The following ITPR1 variants were observed in gnomAD, a reference collection of about 807,000 sequenced individuals.
ITPR1 encodes inositol 1,4,5-trisphosphate receptor type 1.
In ITPR1, 96 loss-of-function variants were observed where a neutral mutation model predicts 318.4. The observed-to-expected ratio is 0.30, with a 90% CI of 0.26 to 0.36. The LOEUF is 0.36. ITPR1 is among the 10% of genes least tolerant of loss of function. The pLI, the probability that ITPR1 is intolerant of heterozygous loss-of-function variation, is 1.00. For missense variants in ITPR1, 2,440 were observed against 3,460.2 expected, an observed-to-expected ratio of 0.71 and a Z score of 7.40; for synonymous variants, 1,312 against 1,289.9, an observed-to-expected ratio of 1.02 and a Z score of -0.37.
chr3:4,567,134 G>A (rs2087381556), intron 4 of ITPR1, among the ~76,000 whole-genome samples: 1 of 152,168 alleles, frequency 6.6e-6, no homozygotes, highest in African/African-American at 2.4e-5. Context: ...TTGATATGTG[G>A]AAAGCTCGTA....
chr3:4,554,139 C>T (rs191615668), intron 4 of ITPR1, among the ~76,000 whole-genome samples: 2 of 152,326 alleles, frequency 1.3e-5, no homozygotes, highest in Non-Finnish European at 1.5e-5. Flanking sequence ...AGGGCAATCC[C>T]ATCTTATTGG....
At chr3:4,756,540 TCTC>T (rs1259352170) in intron 44 of ITPR1, among the ~76,000 whole-genome samples, 1 of 152,200 alleles carries the variant, frequency 6.6e-6, no homozygotes, top group East Asian at 1.9e-4. Context: ...GTTCATGAGT[TCTC>T]ATCATCTAGC....
chr3:4,779,246 C>T lies in ITPR1; in HGVS notation c.6292-304C>T, dbSNP rs750731321. ...GTGACAGTGTATCCGTAAGCACCCA[C>T]GTGTAAATTCCCAATTTCTTCTAGG... is the stretch of plus-strand genomic sequence containing the variant. On this transcript the variant is annotated intron_variant, in intron 48 of 61. Coordinates refer to ENST00000649015, the MANE Select transcript of ITPR1 (RefSeq NM_001378452.1). The surrounding 1 kb of genome is among the most constrained non-coding windows in gnomAD (Gnocchi z 4.0). Among the ~76,000 whole-genome samples, 4 of 152,244 alleles carry T rather than the reference C, an allele frequency of 2.6e-5. No individual in the cohort carries two copies. The highest frequency in any genetic ancestry group is 1.9e-4 in the East Asian group (1 of 5,200).
chr3:4,578,663 C>T (rs2088954227), intron 4 of ITPR1, among the ~76,000 whole-genome samples: 2 of 152,178 alleles, frequency 1.3e-5, no homozygotes, highest in Non-Finnish European at 2.9e-5. Flanking sequence ...GTGCTAAGTG[C>T]TCCTCCAACC....
At chr3:4,768,911 C>CT (rs201819900) in intron 46 of ITPR1, 147 bp downstream of exon 46, 8,284 of 676,804 alleles carry the variant, frequency 0.012, 4 homozygotes, top group Middle Eastern at 0.023. Flanking sequence ...TTTCTTTTTT[C>CT]TTTTTTCTTT....
At chr3:4,563,937 G>C (rs1488463175) in intron 4 of ITPR1, among the ~76,000 whole-genome samples, 1 of 150,232 alleles carries the variant, frequency 6.7e-6, no homozygotes, top group Non-Finnish European at 1.5e-5. Context: ...GAGTTGATTT[G>C]TTTTCTTTTC....
intron 4 of ITPR1, among the ~76,000 whole-genome samples, chr3:4,581,454 G>T (rs1247217414): frequency 6.6e-6 from 1 of 152,096 alleles, no homozygotes; most frequent in Admixed American, 6.6e-5. Flanking sequence ...GTTTTAGGTG[G>T]GTTGCCATAT....
intron 4 of ITPR1, among the ~76,000 whole-genome samples, chr3:4,611,242 A>C (rs1423709473): frequency 1.4e-5 from 2 of 141,860 alleles, no homozygotes; most frequent in African/African-American, 5.5e-5. Flanking sequence ...AAAAAAAAAA[A>C]CAAAAAAAAA....
At chr3:4,639,358 G>T in intron 5 of ITPR1, 26 bp from the exon 6 acceptor site, 1 of 1,524,504 alleles carries the variant, frequency 6.6e-7, no homozygotes, top group South Asian at 1.2e-5. Flanking sequence ...TCCTCTTTGT[G>T]ATCAATCTTT....
At chr3:4,644,091 C>A in intron 7 of ITPR1, 45 bp from the exon 8 acceptor site, 2 of 1,308,638 alleles carry the variant, frequency 1.5e-6, no homozygotes, top group South Asian at 2.5e-5. Context: ...AATCCGCAGT[C>A]CTTATCAGTT....
At chr3:4,775,570 C>T in intron 47 of ITPR1, 128 bp downstream of exon 47, 1 of 676,142 alleles carries the variant, frequency 1.5e-6, no homozygotes, top group Non-Finnish European at 2.6e-6. Context: ...AGGAGGCTGT[C>T]TTCCAGCAGT....
rs143443195 is a variant in ITPR1 at position 4,621,574 on chromosome 3, A to G, written c.164-6189A>G. ...GAAAGCTCCCTTAGGAGCATCAGCC[A>G]GGCACACCAGGTTCTTCCTTTGCTG... is the stretch of plus-strand genomic sequence containing the variant. On this transcript the variant is annotated intron_variant, in intron 4 of 61. Transcript: ENST00000649015. Among the ~76,000 whole-genome samples, 1,172 of 152,344 alleles carry G rather than the reference A, an allele frequency of 7.7e-3. 15 individuals carry two copies. The highest frequency in any genetic ancestry group is 0.026 in the African/African-American group (1,095 of 41,578).
chr3:4,602,524 C>T, intron 4 of ITPR1, among the ~76,000 whole-genome samples: 1 of 56,298 alleles, frequency 1.8e-5, no homozygotes, highest in Non-Finnish European at 3.5e-5. Context: ...GTGAGACCCT[C>T]TCAGAAAAAA....
At chr3:4,653,450 A>G (rs1407726693) in intron 11 of ITPR1, among the ~76,000 whole-genome samples, 1 of 152,212 alleles carries the variant, frequency 6.6e-6, no homozygotes, top group Non-Finnish European at 1.5e-5. Context: ...CTGAAGACTA[A>G]TGGTGGTGGC....
At position 4,811,386 on chromosome 3, in the gene ITPR1, T is replaced by C; in HGVS notation, c.7394T>C (p.Ile2465Thr). The C allele has an allele frequency of 6.2e-7, 1 of 1,614,016 alleles. No homozygotes were observed. Among genetic ancestry groups the C allele is most frequent in the Non-Finnish European group, 8.5e-7 (1 of 1,179,874 alleles). ...LALILVYLFSIVGYLFFKDDF... is the reference protein window; with the variant it reads ...LALILVYLFSTVGYLFFKDDF... ...CTGATCCTCGTTTACCTGTTCTCAA[T>C]AGTGGGCTATCTTTTCTTCAAGGAT... Residue 2465 changes from isoleucine to threonine, a missense_variant, in exon 56 of 62, where the codon ATA becomes ACA. Ile to Thr is a moderately conservative substitution (Grantham distance 89). Coordinates refer to ENST00000649015, the MANE Select transcript of ITPR1 (RefSeq NM_001378452.1).
intron 22 of ITPR1, 57 bp downstream of exon 22, chr3:4,674,400 T>C (rs2094145386): frequency 2.1e-6 from 3 of 1,444,252 alleles, no homozygotes; most frequent in Non-Finnish European, 2.8e-6. Context: ...GTCATTTTTC[T>C]ATGGGGCAAA....
At chr3:4,767,776 A>G (rs1291749449) in intron 45 of ITPR1, among the ~76,000 whole-genome samples, 1 of 152,210 alleles carries the variant, frequency 6.6e-6, no homozygotes, top group East Asian at 1.9e-4. Flanking sequence ...GATCCTCTTG[A>G]GTAGCTGGGA....
chr3:4,795,181 C>A lies in ITPR1; in HGVS notation c.6925C>A (p.Arg2309=). Reference sequence around the variant, plus strand: ...GTTTTTCTACCCGTTTAAGGGAGTCCGAGGAGGTACCCATATCTTTAACTT... The same window carrying A: ...GTTTTTCTACCCGTTTAAGGGAGTCAGAGGAGGTACCCATATCTTTAACTT... The part of the protein sequence containing the change: ...VAFFYPFKGV[R]GGTLEPHWSG... Residue 2309 remains arginine (R), a synonymous_variant, in exon 53 of 62, where the codon CGA becomes AGA. Transcript: ENST00000649015. 4 of 1,612,780 alleles carry A rather than the reference C, an allele frequency of 2.5e-6. No individual in the cohort carries two copies. Among genetic ancestry groups the A allele is most frequent in the Middle Eastern group, 1.7e-4 (1 of 6,054 alleles).
intron 42 of ITPR1, among the ~76,000 whole-genome samples, chr3:4,730,690 G>T (rs557232458): frequency 3.9e-5 from 6 of 151,930 alleles, no homozygotes; most frequent in Non-Finnish European, 5.9e-5. Context: ...AAACACGAAG[G>T]GGGGAAGAAA....
Sources: allele counts gnomAD v4.1 joint callset (sites outside exome capture counted in the v4.1 genomes callset), GRCh38; gene constraint gnomAD v4.1.1; non-coding constraint Gnocchi (gnomAD v3.1); transcripts MANE v1.5; gene names NCBI Gene and HGNC (gene_info 2026-07-23, HGNC 2026-07-21).